Variants in VPS13D observed in about 807,000 individuals in gnomAD.
VPS13D encodes intermembrane lipid transfer protein VPS13D.
A neutral mutation model predicts 461.9 loss-of-function variants in VPS13D; 187 were observed. The ratio of observed to expected loss-of-function variants is 0.40; its 90% CI spans 0.36 to 0.46. The LOEUF is 0.46. Among genes scored for constraint, VPS13D ranks in the 20% least tolerant of loss-of-function variants. The probability of loss-of-function intolerance (pLI) is 0.60; values close to 1 mark genes in which losing one functional copy is unlikely to be tolerated. For missense variants in VPS13D, 4,711 were observed against 5,364.9 expected, an observed-to-expected ratio of 0.88 and a Z score of 3.81; for synonymous variants, 1,951 against 1,986.3, an observed-to-expected ratio of 0.98 and a Z score of 0.47.
chr1:12,342,552 GA>G (rs1643593145), intron 41 of VPS13D, among the ~76,000 whole-genome samples: 1 of 152,210 alleles, frequency 6.6e-6, no homozygotes, highest in African/African-American at 2.4e-5. Context: ...CTCTAGAAGA[GA>G]AGCTTTTTTG....
Position 12,327,671 on chromosome 1 carries a change from TG to T in VPS13D, c.8016del (p.Trp2672CysfsTer9). On this transcript the variant is annotated frameshift_variant, in exon 36 of 70. Transcript: ENST00000620676. LOFTEE classifies it high-confidence loss of function. ...AGGCCAATTGAAAAAGGCAGCAAGT[TG>T]GTTGTTTAAGAATGCGGAACCTCTG... The part of the protein sequence containing the change: ...CQGQLKKAAS[W>X]LFKNAEPLKS... 6.2e-7 allele frequency: 1 copy of T among 1,614,056 alleles called. No homozygotes were observed. The highest frequency in any genetic ancestry group is 8.5e-7 in the Non-Finnish European group (1 of 1,179,986).
chr1:12,356,562 C>T (rs769229025), intron 49 of VPS13D, 38 bp downstream of exon 49: 1 of 1,601,586 alleles, frequency 6.2e-7, no homozygotes, highest in Admixed American at 1.7e-5. Context: ...AAATAAGCTC[C>T]CAGGGAAGGG....
chr1:12,382,016 C>CCTTCCTTT (rs1248791043), intron 57 of VPS13D, among the ~76,000 whole-genome samples: 1 of 140,052 alleles, frequency 7.1e-6, no homozygotes, highest in Non-Finnish European at 1.5e-5. Flanking sequence ...TTTCTTCCTT[C>CCTTCCTTT]CTTCCTTCCT....
chr1:12,406,530 C>G (rs1020624215), intron 63 of VPS13D, among the ~76,000 whole-genome samples: 4 of 152,160 alleles, frequency 2.6e-5, no homozygotes, highest in African/African-American at 9.7e-5. Flanking sequence ...CAGGTTTACA[C>G]TGAGGGTACA....
intron 66 of VPS13D, among the ~76,000 whole-genome samples, chr1:12,456,636 C>T (rs1209872191): frequency 1.2e-5 from 1 of 83,670 alleles, no homozygotes; most frequent in Non-Finnish European, 2.4e-5. Flanking sequence ...GACTCCAATT[C>T]AAAAAAAAAA....
chr1:12,481,839 T>G (rs548573612), intron 67 of VPS13D, among the ~76,000 whole-genome samples: 3 of 152,208 alleles, frequency 2.0e-5, no homozygotes, highest in Non-Finnish European at 4.4e-5. Context: ...CTCCCTATAT[T>G]GGCCAGAAGG....
intron 2 of VPS13D, among the ~76,000 whole-genome samples, chr1:12,238,727 C>T (rs767388149): frequency 1.7e-4 from 26 of 150,904 alleles, no homozygotes; most frequent in Non-Finnish European, 1.0e-4. Context: ...GAACTTTTGG[C>T]GATCCTGAAG....
At chr1:12,320,812 G>C (rs953516282) in intron 32 of VPS13D, among the ~76,000 whole-genome samples, 1 of 152,176 alleles carries the variant, frequency 6.6e-6, no homozygotes, top group African/African-American at 2.4e-5. Context: ...ACAACTACAT[G>C]GCAAAATATT....
rs754524965 is a variant in VPS13D, at chr1:12,253,717, C to T, written c.565-5C>T. 53 of 1,609,500 alleles carry T rather than the reference C, an allele frequency of 3.3e-5. 1 individual carries two copies. Among genetic ancestry groups the T allele is most frequent in the Non-Finnish European group, 3.7e-5 (44 of 1,176,362 alleles). On this transcript the variant is annotated splice_region_variant and splice_polypyrimidine_tract_variant and intron_variant, in intron 6 of 69. Coordinates refer to ENST00000620676, the MANE Select transcript of VPS13D (RefSeq NM_015378.4). ...CTATTTTCTTCTTTGTCTTTTTTAC[C>T]TCAGGTACAGAAACTAATGCGGAAA... is the stretch of plus-strand genomic sequence containing the variant.
rs187126559 is a variant in VPS13D, at chr1:12,509,848, A to G, written c.*824A>G. 6.9e-4 allele frequency: 105 copies of G among 152,310 alleles called. No individual in the cohort carries two copies. Among genetic ancestry groups the G allele is most frequent in the Non-Finnish European group, 1.2e-3 (81 of 68,026 alleles). The allele number at this position is 152,310 out of a possible 1,614,324, so 9.4% of individuals were successfully genotyped here. On this transcript the variant is annotated 3_prime_UTR_variant, in exon 70 of 70. Coordinates refer to ENST00000620676, the MANE Select transcript of VPS13D (RefSeq NM_015378.4). ...GCATTGTAAGTTTTCTCAGGTTATT[A>G]TTATTAGAGAGGTTGGAAACATTGG...
chr1:12,426,267 G>A (rs1354706028), intron 65 of VPS13D, among the ~76,000 whole-genome samples: 3 of 152,162 alleles, frequency 2.0e-5, no homozygotes, highest in African/African-American at 4.8e-5. Context: ...CGCCTGGCCT[G>A]GGAAGCAGAG....
rs958973671 is a variant in VPS13D at position 12,256,341 on chromosome 1, G to A, written c.678G>A (p.Met226Ile). 58 of 1,613,490 alleles carry A rather than the reference G, an allele frequency of 3.6e-5. No individual in the cohort carries two copies. The highest frequency in any genetic ancestry group is 4.6e-5 in the Non-Finnish European group (54 of 1,179,964). The change falls in exon 8 of 70, where the codon ATG becomes ATA. Residue 226 changes from methionine (M) to isoleucine (I), a missense_variant. Coordinates refer to ENST00000620676, the MANE Select transcript of VPS13D (RefSeq NM_015378.4). ...DLPQMELQEA[M>I]ARSMESRSHH... ...GTTCTTGTGACACACAGGAGGCCAT[G>A]GCCAGGAGCATGGAGAGTCGCAGCC...
At chr1:12,485,004 A>G (rs531000530) in intron 67 of VPS13D, among the ~76,000 whole-genome samples, 30 of 152,274 alleles carry the variant, frequency 2.0e-4, no homozygotes, top group African/African-American at 6.5e-4. Context: ...TTGTGTATGT[A>G]AAATGCTTGG....
chr1:12,368,464 G>T lies in VPS13D; in HGVS notation c.10449-4G>T. 1 of 1,609,298 alleles carries T rather than the reference G, an allele frequency of 6.2e-7. No homozygotes were observed. The highest frequency in any genetic ancestry group is 8.5e-7 in the Non-Finnish European group (1 of 1,177,812). On this transcript the variant is annotated splice_polypyrimidine_tract_variant and splice_region_variant and intron_variant, in intron 52 of 69. Coordinates refer to ENST00000620676, the MANE Select transcript of VPS13D (RefSeq NM_015378.4). ...GTAGCCTCTTTTGTTTCCTTGTCCT[G>T]CAGGGATACCTTGGGAAAATGCTTC... is the stretch of plus-strand genomic sequence containing the variant.
At chr1:12,499,162 A>G (rs187879941) in intron 68 of VPS13D, among the ~76,000 whole-genome samples, 53 of 152,048 alleles carry the variant, frequency 3.5e-4, no homozygotes, top group African/African-American at 1.2e-3. Flanking sequence ...CAAATTTCTC[A>G]GGTCTGGCAG....
chr1:12,392,401 C>T (rs1267418984), intron 60 of VPS13D, among the ~76,000 whole-genome samples: 2 of 151,244 alleles, frequency 1.3e-5, no homozygotes, highest in East Asian at 3.9e-4. Context: ...ATCGCTTGGA[C>T]CTGGGAGGTG....
In VPS13D at chr1:12,249,442, T is replaced by C. The variant is rs527772008; in HGVS notation, c.564+103T>C. 5 of 856,218 alleles carry C rather than the reference T, an allele frequency of 5.8e-6. No individual in the cohort carries two copies. In the South Asian group the frequency reaches 7.4e-5, roughly 13 times the overall value. The allele number at this position is 856,218 out of a possible 1,614,324, so 53.0% of individuals were successfully genotyped here. A position where few individuals can be genotyped will look rare whatever the true frequency, so the allele number is the denominator to read the frequency against. On this transcript the variant is annotated intron_variant, in intron 6 of 69. Coordinates refer to ENST00000620676, the MANE Select transcript of VPS13D (RefSeq NM_015378.4). The stretch of plus-strand genomic sequence containing the variant: ...TGTTATGTAAATGAATCACATTCTT[T>C]TCCATTGCCTTCTGTGATAGGCATG...
Position 12,299,385 on chromosome 1 carries a change from G to T in VPS13D, c.6216+1G>T. 1 of 1,604,038 alleles carries T rather than the reference G, an allele frequency of 6.2e-7. No individual in the cohort carries two copies. Among genetic ancestry groups the T allele is most frequent in the South Asian group, 1.1e-5 (1 of 89,320 alleles). The stretch of plus-strand genomic sequence containing the variant: ...TGGCACCTTTTCCCTACAAGATAAG[G>T]TGAGCAATCAGTATCCATTTCCTTT... On this transcript the variant is annotated splice_donor_variant, in intron 25 of 69. Coordinates refer to ENST00000620676, the MANE Select transcript of VPS13D (RefSeq NM_015378.4). LOFTEE classifies it high-confidence loss of function. The surrounding 1 kb of genome is among the most constrained non-coding windows in gnomAD (Gnocchi z 4.2).
intron 37 of VPS13D, among the ~76,000 whole-genome samples, chr1:12,330,306 T>G (rs1400049189): frequency 6.6e-6 from 1 of 151,828 alleles, no homozygotes; most frequent in Non-Finnish European, 1.5e-5. Flanking sequence ...TCCCAGCTAC[T>G]TGGGAGGCTG....
Sources: gnomAD v4.1 joint callset for allele counts (sites outside exome capture counted in the v4.1 genomes callset) on GRCh38, gnomAD v4.1.1 for gene constraint, Gnocchi (gnomAD v3.1) non-coding constraint, MANE v1.5 for transcripts, NCBI Gene and HGNC (gene_info 2026-07-23, HGNC 2026-07-21) for gene names.